Variants in XIRP2 observed in about 807,000 individuals in gnomAD.
XIRP2 encodes the protein xin actin-binding repeat-containing protein 2.
In XIRP2, 236 loss-of-function variants were observed where a neutral mutation model predicts 277.0. The observed-to-expected ratio is 0.85, with a 90% confidence interval of 0.77 to 0.95. XIRP2 has a LOEUF of 0.95. Among genes scored for constraint, XIRP2 ranks in the 40% least tolerant of loss-of-function variants. XIRP2 has a pLI of 0.00. For missense variants in XIRP2, 4,640 were observed against 4,157.5 expected, an observed-to-expected ratio of 1.12 and a Z score of -3.19; for synonymous variants, 1,490 against 1,416.5, an observed-to-expected ratio of 1.05 and a Z score of -1.17.
chr2:167,240,650 C>A lies in XIRP2; in HGVS notation c.970-14C>A, dbSNP rs938350299. The stretch of plus-strand genomic sequence containing the variant: ...CTTAAAAACAATTTATTTTCAAATT[C>A]TCTTTAAATACAGGTCTCTCATCTT... On this transcript the variant is annotated splice_polypyrimidine_tract_variant and intron_variant, in intron 6 of 10. Transcript: ENST00000409195. 1.9e-6 allele frequency: 3 copies of A among 1,609,358 alleles called. No homozygotes were observed. The highest frequency in any genetic ancestry group is 2.6e-6 in the Non-Finnish European group (3 of 1,176,166).
chr2:166,896,745 A>C (rs1684254163), intron 1 of XIRP2, among the ~76,000 whole-genome samples: 1 of 152,312 alleles, frequency 6.6e-6, no homozygotes, highest in South Asian at 2.1e-4. Flanking sequence ...GCAGGAGTGT[A>C]CAGTAATTTC....
chr2:166,965,752 C>A (rs1256204849), intron 2 of XIRP2, among the ~76,000 whole-genome samples: 1 of 151,648 alleles, frequency 6.6e-6, no homozygotes, highest in South Asian at 2.1e-4. Flanking sequence ...CCAGGCTAAT[C>A]TTTTATTATT....
Position 167,258,347 on chromosome 2 carries a change from C to A in XIRP2, c.*530C>A. On this transcript the variant is annotated 3_prime_UTR_variant, in exon 11 of 11. Coordinates refer to ENST00000409195, the MANE Select transcript of XIRP2 (RefSeq NM_152381.6). ...AAGACAAGATCACTTTCCATTTTTG[C>A]AGCCTTATCTACAGTCCACCCATGT... 3 of 1,613,340 alleles carry A rather than the reference C, an allele frequency of 1.9e-6. No homozygotes were observed. Among genetic ancestry groups the A allele is most frequent in the Non-Finnish European group, 2.5e-6 (3 of 1,179,644 alleles).
At position 167,096,287 on chromosome 2, in the gene XIRP2, G is replaced by T. The variant is rs1160362310; in HGVS notation, c.409-39622G>T. Among the ~76,000 whole-genome samples, 2 of 151,844 alleles carry T rather than the reference G, an allele frequency of 1.3e-5. 1 individual carries two copies. Among genetic ancestry groups the T allele is most frequent in the South Asian group, 4.2e-4 (2 of 4,772 alleles). ...TTGGTTTAATCTTGGGAAGGTGTAT[G>T]TGTCGAGGAATTTATCCATTTCTTC... On this transcript the variant is annotated intron_variant, in intron 2 of 10. Transcript: ENST00000409195.
At chr2:167,106,885 CT>C (rs1202526689) in intron 2 of XIRP2, among the ~76,000 whole-genome samples, 2 of 151,056 alleles carry the variant, frequency 1.3e-5, no homozygotes, top group African/African-American at 2.4e-5. Context: ...AAGTCCTAAA[CT>C]TTTTTATATT....
At chr2:166,951,407 AGG>A (rs1367792327) in intron 2 of XIRP2, among the ~76,000 whole-genome samples, 1 of 151,784 alleles carries the variant, frequency 6.6e-6, no homozygotes, top group African/African-American at 2.4e-5. Context: ...AGAGAGATAA[AGG>A]GAGAGAGAGA....
intron 2 of XIRP2, among the ~76,000 whole-genome samples, chr2:167,086,614 C>T (rs1689952823): frequency 1.3e-5 from 2 of 151,894 alleles, no homozygotes; most frequent in African/African-American, 2.4e-5. Context: ...TCACATAGTC[C>T]CATATTTCTT....
chr2:166,985,007 T>C lies in XIRP2; in HGVS notation c.408+81117T>C, dbSNP rs187533851. Among the ~76,000 whole-genome samples, 16 of 152,384 alleles carry C rather than the reference T, an allele frequency of 1.0e-4. No homozygotes were observed. The East Asian group carries it at 2.7e-3, about 26-fold the overall frequency. ...TTATTCTGATTCACTGCTGATTTCATTGAGTATAGCTATTTGCTTATGTGT... is the reference window on the plus strand; with the variant it reads ...TTATTCTGATTCACTGCTGATTTCACTGAGTATAGCTATTTGCTTATGTGT... On this transcript the variant is annotated intron_variant, in intron 2 of 10. Transcript: ENST00000409195.
chr2:167,197,595 C>T (rs1693555661), intron 3 of XIRP2, among the ~76,000 whole-genome samples: 1 of 152,088 alleles, frequency 6.6e-6, no homozygotes, highest in Non-Finnish European at 1.5e-5. Context: ...AGGGAACATA[C>T]AAGCATATTA....
chr2:167,013,132 A>G lies in XIRP2; in HGVS notation c.408+109242A>G, dbSNP rs369170942. On this transcript the variant is annotated intron_variant, in intron 2 of 10. Transcript: ENST00000409195. ...CTCTGATATAGTTTGGTCATTCCCA[A>G]TATGACTCATGTCAGTTATTTTCTC... Among the ~76,000 whole-genome samples the G allele has an allele frequency of 5.9e-5, 9 of 151,314 alleles. 2 individuals carry two copies. The highest frequency in any genetic ancestry group is 2.2e-4 in the African/African-American group (9 of 41,392).
intron 2 of XIRP2, among the ~76,000 whole-genome samples, chr2:167,015,418 T>TTATCTATCTATCTATC (rs143244808): frequency 1.6e-4 from 23 of 147,268 alleles, no homozygotes; most frequent in East Asian, 6.2e-4. Context: ...TATCTGTCTT[T>TTATCTATCTATCTATC]TATCTATCTA....
chr2:167,090,395 C>A (rs1296192920), intron 2 of XIRP2, among the ~76,000 whole-genome samples: 1 of 152,014 alleles, frequency 6.6e-6, no homozygotes, highest in African/African-American at 2.4e-5. Context: ...CATCTCCAAA[C>A]TTCTGTCAGG....
At chr2:167,213,433 A>G (rs1338761065) in intron 4 of XIRP2, among the ~76,000 whole-genome samples, 1 of 152,226 alleles carries the variant, frequency 6.6e-6, no homozygotes, top group African/African-American at 2.4e-5. Flanking sequence ...CTATAAACCA[A>G]GAACAGTTTT....
chr2:166,926,621 T>G (rs1558918574), intron 2 of XIRP2, among the ~76,000 whole-genome samples: 1 of 152,140 alleles, frequency 6.6e-6, no homozygotes, highest in Non-Finnish European at 1.5e-5. Flanking sequence ...GTGTCCTATT[T>G]GACAGATTTG....
chr2:166,908,559 G>T (rs1274201592), intron 2 of XIRP2, among the ~76,000 whole-genome samples: 1 of 152,108 alleles, frequency 6.6e-6, no homozygotes, highest in Admixed American at 6.5e-5. Context: ...CTCCCATTCT[G>T]TAGGTTGCCT....
chr2:167,204,714 T>G (rs1056295452), intron 3 of XIRP2, among the ~76,000 whole-genome samples: 6 of 152,208 alleles, frequency 3.9e-5, no homozygotes, highest in Non-Finnish European at 5.9e-5. Flanking sequence ...TTATTCAATA[T>G]TAACATTTTT....
chr2:166,941,647 A>G (rs1685721043), intron 2 of XIRP2, among the ~76,000 whole-genome samples: 1 of 152,256 alleles, frequency 6.6e-6, no homozygotes, highest in Non-Finnish European at 1.5e-5. Flanking sequence ...GTTGAATATT[A>G]TAATATTTTA....
chr2:167,080,246 GAA>G (rs1008665765), intron 2 of XIRP2, among the ~76,000 whole-genome samples: 4 of 152,150 alleles, frequency 2.6e-5, no homozygotes, highest in Admixed American at 2.0e-4. Context: ...GGTAAAAAAG[GAA>G]AAGTTATTTC....
rs540431506 is a variant in XIRP2 at position 167,003,363 on chromosome 2, G to A, written c.408+99473G>A. 4.9e-4 allele frequency among the ~76,000 whole-genome samples: 75 copies of A among 152,012 alleles called. 1 individual carries two copies. The highest frequency in any genetic ancestry group is 1.6e-3 in the African/African-American group (68 of 41,542). ...GAAAAAGATGCCTGAAAAGTGCAAA[G>A]GGAATACTGGGAAGAATAGAGAACA... On this transcript the variant is annotated intron_variant, in intron 2 of 10. Transcript: ENST00000409195.
Sources: gnomAD v4.1 joint callset for allele counts (sites outside exome capture counted in the v4.1 genomes callset) on GRCh38, gnomAD v4.1.1 for gene constraint, MANE v1.5 for transcripts, NCBI Gene and HGNC (gene_info 2026-07-23, HGNC 2026-07-21) for gene names.